The following SPTB variants were observed in gnomAD, a reference collection of about 807,000 sequenced individuals.
SPTB encodes spectrin beta chain, erythrocytic.
In SPTB, 45 loss-of-function variants were observed where a neutral mutation model predicts 256.2. The ratio of observed to expected loss-of-function variants is 0.18; its 90% confidence interval spans 0.14 to 0.23. SPTB has a LOEUF of 0.23. Among genes scored for constraint, SPTB ranks in the 10% least tolerant of loss-of-function variants. The pLI, the probability that SPTB is intolerant of heterozygous loss-of-function variation, is 1.00. For missense variants in SPTB, 2,715 were observed against 3,040.4 expected (o/e 0.89, Z 2.52); for synonymous variants, 1,231 against 1,243.1 (o/e 0.99, Z 0.21).
Position 64,772,907 on chromosome 14 carries a change from A to T in SPTB, c.5226T>A (p.Ile1742=). Residue 1742 remains isoleucine (I), a synonymous_variant, in exon 26 of 36, where the codon ATT becomes ATA. Transcript: ENST00000644917. This position sits in a 1 kb window ranked among gnomAD's most constrained non-coding sequence, Gnocchi z 5.4. The stretch of plus-strand genomic sequence containing the variant: ...TCACATTGTCCACCCGCTCCTGCCC[A>T]ATCGCCCCGGTCTCCCGGGCAAAGT... ...FRDFARETGA[I]GQERVDNVNA... The T allele has an allele frequency of 6.2e-7, 1 of 1,605,290 alleles. No homozygotes were observed. Among genetic ancestry groups the T allele is most frequent in the Non-Finnish European group, 8.5e-7 (1 of 1,174,204 alleles).
chr14:64,786,546 C>A lies in SPTB; in HGVS notation c.3419G>T (p.Gly1140Val). Residue 1140 changes from glycine to valine, a missense_variant, in exon 16 of 36, where the codon GGC becomes GTC. Gly to Val is a moderately radical substitution (Grantham distance 109, BLOSUM62 -3). Coordinates refer to ENST00000644917, the MANE Select transcript of SPTB (RefSeq NM_001355436.2). The surrounding 1 kb of genome is among the most constrained non-coding windows in gnomAD (Gnocchi z 5.6). The part of the protein sequence containing the change: ...GQTDPEYLLL[G>V]QRLEGLDTGW... ...AGTATCCAGGCCCTCCAGCCGCTGG[C>A]CCAGAAGCAGATACTCTGGGTCCGT... 2 of 1,614,168 alleles carry A rather than the reference C, an allele frequency of 1.2e-6. No individual in the cohort carries two copies. The highest frequency in any genetic ancestry group is 1.7e-6 in the Non-Finnish European group (2 of 1,180,040).
chr14:64,825,377 T>C lies in SPTB; in HGVS notation c.-51-2232A>G, dbSNP rs992072878. Among the ~76,000 whole-genome samples the C allele has an allele frequency of 1.3e-5, 2 of 152,200 alleles. No individual in the cohort carries two copies. Among genetic ancestry groups the C allele is most frequent in the African/African-American group, 4.8e-5 (2 of 41,456 alleles). On this transcript the variant is annotated intron_variant, in intron 1 of 35. Transcript: ENST00000644917. This position sits in a 1 kb window ranked among gnomAD's most constrained non-coding sequence, Gnocchi z 4.8. ...TGAACAGCCTGTCCTCTTCTGCAGA[T>C]GGACTTGCTGCTTCCAGGACTGAGA... is the stretch of plus-strand genomic sequence containing the variant.
rs149679502 is a variant in SPTB at position 64,748,829 on chromosome 14, TCTTC to T, written c.*473_*476del. On this transcript the variant is annotated 3_prime_UTR_variant, in exon 36 of 36. Transcript: ENST00000644917. ...GGCTGGCCATGCATTTCCAGTGTCT[TCTTC>T]CTTTCCCCTTTCCCTGGCTGCCACC... 8.0e-3 allele frequency: 1,354 copies of T among 169,152 alleles called. 16 individuals are homozygous for T. Among genetic ancestry groups the T allele is most frequent in the African/African-American group, 0.031 (1,287 of 41,638 alleles). The allele number at this position is 169,152 out of a possible 1,614,324, so 10.5% of individuals were successfully genotyped here. A position where few individuals can be genotyped will look rare whatever the true frequency, so the allele number is the denominator to read the frequency against.
intron 20 of SPTB, 66 bp downstream of exon 20, chr14:64,782,224 G>C: frequency 6.2e-7 from 1 of 1,609,008 alleles, no homozygotes; most frequent in Non-Finnish European, 8.5e-7. Context: ...TAAAAATAAA[G>C]GTGTCAGACT....
intron 1 of SPTB, among the ~76,000 whole-genome samples, chr14:64,867,790 G>T (rs1352863256): frequency 6.6e-5 from 10 of 151,242 alleles, no homozygotes; most frequent in Non-Finnish European, 1.3e-4. Context: ...GAAGGTGGAG[G>T]CTGTAGTGAG....
At chr14:64,854,234 C>T (rs1455395401) in intron 1 of SPTB, among the ~76,000 whole-genome samples, 3 of 150,292 alleles carry the variant, frequency 2.0e-5, no homozygotes, top group Non-Finnish European at 4.4e-5. Flanking sequence ...AAACAAAAAA[C>T]CTTATCACCG....
Position 64,824,519 on chromosome 14 carries a change from G to A in SPTB, c.-51-1374C>T, listed in dbSNP as rs139801007. Among the ~76,000 whole-genome samples, 196 of 152,184 alleles carry A rather than the reference G, an allele frequency of 1.3e-3. 2 individuals are homozygous for A. Among genetic ancestry groups the A allele is most frequent in the African/African-American group, 4.5e-3 (188 of 41,502 alleles). On this transcript the variant is annotated intron_variant, in intron 1 of 35. Coordinates refer to ENST00000644917, the MANE Select transcript of SPTB (RefSeq NM_001355436.2). This position sits in a 1 kb window ranked among gnomAD's most constrained non-coding sequence, Gnocchi z 5.7. ...TGGTCCTCTTTCTAGGGATCTTAAG[G>A]GACTCCAAGATCAAGTCTGTAAGAG...
intron 8 of SPTB, 109 bp downstream of exon 8, chr14:64,800,647 G>C: frequency 1.1e-6 from 1 of 930,820 alleles, no homozygotes; most frequent in Non-Finnish European, 1.7e-6. Flanking sequence ...GAAGTTGGGG[G>C]GTGGGTGAGC....
rs558776506 is a variant in SPTB, at chr14:64,766,938, G to A, written c.6270-137C>T. 5.0e-4 allele frequency: 586 copies of A among 1,163,572 alleles called. 4 individuals are homozygous for A. The African/African-American group carries it at 7.8e-3, about 16-fold the overall frequency. The allele number at this position is 1,163,572 out of a possible 1,614,324, so 72.1% of individuals were successfully genotyped here. A position where few individuals can be genotyped will look rare whatever the true frequency, so the allele number is the denominator to read the frequency against. ...CCTCCAGTCAGCCGGCAGCCTGGATGGTGCTTGGCAAGGAGCCGCCCAGCG... is the reference window on the plus strand; with the variant it reads ...CCTCCAGTCAGCCGGCAGCCTGGATAGTGCTTGGCAAGGAGCCGCCCAGCG... On this transcript the variant is annotated intron_variant, in intron 31 of 35. Transcript: ENST00000644917.
chr14:64,786,472 C>A lies in SPTB; in HGVS notation c.3493G>T (p.Ala1165Ser). 6.2e-7 allele frequency: 1 copy of A among 1,614,112 alleles called. No individual in the cohort carries two copies. Among genetic ancestry groups the A allele is most frequent in the Non-Finnish European group, 8.5e-7 (1 of 1,180,024 alleles). The change falls in exon 16 of 36, where the codon GCT becomes TCT. Residue 1165 changes from alanine (A) to serine (S), a missense_variant. Around this residue, in one of 4 missense-constraint regions of SPTB, gnomAD observed 2,239 missense variants for 2,384.4 expected, o/e 0.94. Coordinates refer to ENST00000644917, the MANE Select transcript of SPTB (RefSeq NM_001355436.2). This position sits in a 1 kb window ranked among gnomAD's most constrained non-coding sequence, Gnocchi z 5.6. ...RMWESRSHTL[A>S]QCLGFQEFQK... ...AACTCCTGGAAGCCAAGGCACTGAGCGAGGGTGTGGCTGCGGCTCTCCCAC... is the reference window on the plus strand; with the variant it reads ...AACTCCTGGAAGCCAAGGCACTGAGAGAGGGTGTGGCTGCGGCTCTCCCAC...
rs2082774806 is a variant in SPTB at position 64,796,626 on chromosome 14, G to A, written c.1272C>T (p.Ala424=). Residue 424 remains alanine, a synonymous_variant, in exon 11 of 36, where the codon GCC becomes GCT. Coordinates refer to ENST00000644917, the MANE Select transcript of SPTB (RefSeq NM_001355436.2). The surrounding 1 kb of genome is among the most constrained non-coding windows in gnomAD (Gnocchi z 4.1). ...LIRQEKLEQL[A]RRFDRKAAMR... ...TTGCGGCCTTCCGGTCAAAGCGCCG[G>A]GCCAGTTGCTCTAGCTTCTCCTGCC... 1.2e-6 allele frequency: 2 copies of A among 1,614,040 alleles called. No individual in the cohort carries two copies. The highest frequency in any genetic ancestry group is 1.7e-6 in the Non-Finnish European group (2 of 1,180,040).
At chr14:64,770,824 G>T in intron 27 of SPTB, 61 bp downstream of exon 27, 1 of 1,612,250 alleles carries the variant, frequency 6.2e-7, no homozygotes, top group South Asian at 1.1e-5. Flanking sequence ...CAGCACCCTG[G>T]TTGGCCGGGC....
intron 2 of SPTB, among the ~76,000 whole-genome samples, chr14:64,818,079 A>G (rs1285899328): frequency 6.6e-6 from 1 of 152,242 alleles, no homozygotes; most frequent in African/African-American, 2.4e-5. Context: ...TGCAGGAAGG[A>G]AGGTCATCTC....
In SPTB at chr14:64,792,175, A is replaced by C. The variant is rs1235712442; in HGVS notation, c.2667-319T>G. Among the ~76,000 whole-genome samples, 1 of 151,996 alleles carries C rather than the reference A, an allele frequency of 6.6e-6. No individual in the cohort carries two copies. Among genetic ancestry groups the C allele is most frequent in the Admixed American group, 6.6e-5 (1 of 15,254 alleles). On this transcript the variant is annotated intron_variant, in intron 14 of 35. Coordinates refer to ENST00000644917, the MANE Select transcript of SPTB (RefSeq NM_001355436.2). The surrounding 1 kb of genome is among the most constrained non-coding windows in gnomAD (Gnocchi z 4.2). Reference sequence around the variant, plus strand: ...AGGTTACTGTGTATTTGTGTGGGGGATGTCAATTGTCACAAGGGCCACCTT... The same window carrying C: ...AGGTTACTGTGTATTTGTGTGGGGGCTGTCAATTGTCACAAGGGCCACCTT...
At chr14:64,850,366 C>T (rs149899060) in intron 1 of SPTB, among the ~76,000 whole-genome samples, 1 of 152,354 alleles carries the variant, frequency 6.6e-6, no homozygotes, top group East Asian at 1.9e-4. Context: ...CACCATGGGA[C>T]TCTCCAGAAG....
In SPTB at chr14:64,779,607, TA is replaced by T; in HGVS notation, c.4473+117del. 9.9e-7 allele frequency: 1 copy of T among 1,007,356 alleles called. No individual in the cohort carries two copies. Among genetic ancestry groups the T allele is most frequent in the Non-Finnish European group, 1.6e-6 (1 of 633,526 alleles). 62.4% of individuals were successfully genotyped at this position (1,007,356 alleles called of 1,614,324 possible). A position where few individuals can be genotyped will look rare whatever the true frequency, so the allele number is the denominator to read the frequency against. ...TAATCCTCACAAGAACCCTATGAGATAAGGGGTGAGGTGACCAGTCATCTAC... is the reference window on the plus strand; with the variant it reads ...TAATCCTCACAAGAACCCTATGAGATAGGGGTGAGGTGACCAGTCATCTAC... On this transcript the variant is annotated intron_variant, in intron 21 of 35. Coordinates refer to ENST00000644917, the MANE Select transcript of SPTB (RefSeq NM_001355436.2). The surrounding 1 kb of genome is among the most constrained non-coding windows in gnomAD (Gnocchi z 4.2).
chr14:64,792,080 A>T lies in SPTB; in HGVS notation c.2667-224T>A, dbSNP rs982993236. 6.6e-6 allele frequency among the ~76,000 whole-genome samples: 1 copy of T among 152,116 alleles called. No homozygotes were observed. Among genetic ancestry groups the T allele is most frequent in the African/African-American group, 2.4e-5 (1 of 41,412 alleles). On this transcript the variant is annotated intron_variant, in intron 14 of 35. Coordinates refer to ENST00000644917, the MANE Select transcript of SPTB (RefSeq NM_001355436.2). The surrounding 1 kb of genome is among the most constrained non-coding windows in gnomAD (Gnocchi z 4.2). ...AGCATTGCCTGGAACAGGCCGGGAG[A>T]GAGCCAGTTACTTCCTACACGGGCT...
chr14:64,829,097 C>T lies in SPTB; in HGVS notation c.-51-5952G>A, dbSNP rs369954920. On this transcript the variant is annotated intron_variant, in intron 1 of 35. Transcript: ENST00000644917. ...CAGGACAATTAGACACATGTGTCTC[C>T]TGACATGGTGCAACATGAAGGACAT... Among the ~76,000 whole-genome samples, 6 of 152,112 alleles carry T rather than the reference C, an allele frequency of 3.9e-5. No individual in the cohort carries two copies. The East Asian group carries it at 7.7e-4, about 20-fold the overall frequency.
intron 2 of SPTB, among the ~76,000 whole-genome samples, chr14:64,815,069 G>A (rs1484257374): frequency 6.6e-6 from 1 of 152,080 alleles, no homozygotes; most frequent in Non-Finnish European, 1.5e-5. Flanking sequence ...GAGAAGCAGT[G>A]AATTTATCCA....
Sources: gnomAD v4.1 joint callset for allele counts (sites outside exome capture counted in the v4.1 genomes callset) on GRCh38, gnomAD v4.1.1 for gene constraint, gnomAD v4.1.1 regional missense constraint, Gnocchi (gnomAD v3.1) non-coding constraint, MANE v1.5 for transcripts, NCBI Gene and HGNC (gene_info 2026-07-23, HGNC 2026-07-21) for gene names.